Variants in CACNA1D observed in about 807,000 individuals in gnomAD.
CACNA1D encodes the protein voltage-dependent L-type calcium channel subunit alpha-1D.
CACNA1D carries 55 observed loss-of-function variants against 257.1 expected under a neutral mutation model. That is an observed-to-expected ratio of 0.21 (90% confidence interval 0.17 to 0.27). CACNA1D has a LOEUF of 0.27. CACNA1D is among the 10% of genes least tolerant of loss of function. The probability of loss-of-function intolerance (pLI) is 1.00; values close to 1 mark genes in which losing one functional copy is unlikely to be tolerated. For missense variants in CACNA1D, 1,876 were observed against 2,784.0 expected (o/e 0.67, Z 7.34); for synonymous variants, 980 against 1,014.9 (o/e 0.97, Z 0.65).
intron 3 of CACNA1D, among the ~76,000 whole-genome samples, chr3:53,510,936 A>G (rs1044991420): frequency 6.6e-6 from 1 of 152,216 alleles, no homozygotes; most frequent in African/African-American, 2.4e-5. Context: ...GTGCTTAGAT[A>G]CTATTGTTTC....
Position 53,795,698 on chromosome 3 carries a change from C to CT in CACNA1D, c.4924-4544dup, listed in dbSNP as rs2095504645. Among the ~76,000 whole-genome samples the CT allele has an allele frequency of 2.6e-5, 4 of 152,300 alleles. No homozygotes were observed. The South Asian group carries it at 8.3e-4, about 32-fold the overall frequency. On this transcript the variant is annotated intron_variant, in intron 40 of 47. Transcript: ENST00000350061. ...CTCTATTATCAGGAAACTGGCAAGA[C>CT]TTTTTTTGATTCGGTTGTTAAAATT...
rs1576684960 is a variant in CACNA1D at position 53,793,346 on chromosome 3, G to T, written c.4923+6394G>T. On this transcript the variant is annotated intron_variant, in intron 40 of 47. Transcript: ENST00000350061. The surrounding 1 kb of genome is among the most constrained non-coding windows in gnomAD (Gnocchi z 4.1). ...AAGGGAAGCCCGTCAGTCCTGTGGG[G>T]GTCCGTCAGTCCCTCTGTCTGTCTT... Among the ~76,000 whole-genome samples, 1 of 152,214 alleles carries T rather than the reference G, an allele frequency of 6.6e-6. No homozygotes were observed. The highest frequency in any genetic ancestry group is 1.5e-5 in the Non-Finnish European group (1 of 68,028).
chr3:53,642,820 G>A (rs534120338), intron 3 of CACNA1D, among the ~76,000 whole-genome samples: 3 of 152,350 alleles, frequency 2.0e-5, no homozygotes, highest in African/African-American at 7.2e-5. Context: ...GGGATCTCAG[G>A]AGAAACCTCT....
chr3:53,657,175 G>A (rs1365689129), intron 4 of CACNA1D, among the ~76,000 whole-genome samples: 1 of 152,182 alleles, frequency 6.6e-6, no homozygotes, highest in East Asian at 1.9e-4. Flanking sequence ...TCATTGTGAT[G>A]TATTTGTGTA....
intron 3 of CACNA1D, among the ~76,000 whole-genome samples, chr3:53,539,306 C>T (rs1318338001): frequency 1.3e-5 from 2 of 152,072 alleles, no homozygotes; most frequent in African/African-American, 2.4e-5. Flanking sequence ...GACAGGTTTT[C>T]ACCATGTTAG....
chr3:53,618,766 G>C (rs115904129), intron 3 of CACNA1D, among the ~76,000 whole-genome samples: 1,739 of 152,248 alleles, frequency 0.011, 38 homozygotes, highest in African/African-American at 0.04. Context: ...CTTCTGTCTG[G>C]CGCTTTATCA....
rs1023275557 is a variant in CACNA1D, at chr3:53,809,783, A to C, written c.5872-195A>C. The C allele has an allele frequency of 2.7e-5, 17 of 620,806 alleles. No individual in the cohort carries two copies. The African/African-American group carries it at 2.7e-4, about 10-fold the overall frequency. The allele number at this position is 620,806 out of a possible 1,614,324, so 38.5% of individuals were successfully genotyped here. ...ATGCATTATGGATTCGGGGTAAAAG[A>C]AAGCACAGTCTGCTAGAAAACAAAG... On this transcript the variant is annotated intron_variant, in intron 46 of 47. Transcript: ENST00000350061.
chr3:53,686,582 G>A (rs1049822715), intron 8 of CACNA1D, among the ~76,000 whole-genome samples: 2 of 151,646 alleles, frequency 1.3e-5, no homozygotes, highest in Non-Finnish European at 2.9e-5. Flanking sequence ...GAAATCATAC[G>A]ATCACCTCAG....
intron 3 of CACNA1D, among the ~76,000 whole-genome samples, chr3:53,567,780 T>A (rs1249806418): frequency 6.6e-6 from 1 of 152,240 alleles, no homozygotes; most frequent in South Asian, 2.1e-4. Flanking sequence ...TATGGACATG[T>A]CTTGTATACA....
chr3:53,538,309 G>A (rs1295793531), intron 3 of CACNA1D, among the ~76,000 whole-genome samples: 1 of 151,672 alleles, frequency 6.6e-6, no homozygotes, highest in Non-Finnish European at 1.5e-5. Flanking sequence ...CACCATGCGT[G>A]CCATGTCTGG....
At position 53,811,185 on chromosome 3, in the gene CACNA1D, G is replaced by C. The variant is rs1446571723; in HGVS notation, c.6265G>C (p.Ala2089Pro). The change falls in exon 48 of 48, where the codon GCT becomes CCT. Residue 2089 changes from alanine to proline, a missense_variant. Ala to Pro is a conservative substitution (Grantham distance 27, BLOSUM62 -1). This residue lies in a region of CACNA1D where 491 missense variants were observed against 554.3 expected (regional missense o/e 0.89). Transcript: ENST00000350061. This position sits in a 1 kb window ranked among gnomAD's most constrained non-coding sequence, Gnocchi z 4.2. ...KFVSATKHEI[A>P]DACDLTIDEM... ...TGTGTCAGCAACAAAACACGAAATC[G>C]CTGATGCCTGTGACCTCACCATCGA... 6.2e-7 allele frequency: 1 copy of C among 1,614,060 alleles called. No individual in the cohort carries two copies.
chr3:53,798,143 C>G (rs2106735226), intron 40 of CACNA1D: 1 of 152,294 alleles, frequency 6.6e-6, no homozygotes, highest in South Asian at 2.1e-4. Flanking sequence ...CTTCACGTTC[C>G]TGCAGCTGTG....
intron 9 of CACNA1D, 99 bp downstream of exon 9, chr3:53,702,909 G>A (rs2094641794): frequency 1.5e-6 from 2 of 1,299,008 alleles, no homozygotes; most frequent in Non-Finnish European, 2.2e-6. Flanking sequence ...GCTGTGAGTG[G>A]GACAGCCTCC....
chr3:53,589,640 CCTT>C (rs1377222360), intron 3 of CACNA1D, among the ~76,000 whole-genome samples: 1 of 152,152 alleles, frequency 6.6e-6, no homozygotes, highest in Admixed American at 6.5e-5. Context: ...GACAACGTCT[CCTT>C]CTGTTGCCCA....
chr3:53,695,294 G>C (rs893126470), intron 8 of CACNA1D, among the ~76,000 whole-genome samples: 2 of 152,120 alleles, frequency 1.3e-5, no homozygotes, highest in Admixed American at 6.5e-5. Context: ...CCCTGTCTGG[G>C]GAAGTTGCTG....
In CACNA1D at chr3:53,811,417, G is replaced by A; in HGVS notation, c.*11G>A. 1 of 1,537,290 alleles carries A rather than the reference G, an allele frequency of 6.5e-7. No homozygotes were observed. Among genetic ancestry groups the A allele is most frequent in the Non-Finnish European group, 8.8e-7 (1 of 1,141,156 alleles). ...ATCACCACCTTGTAGCCCCCAGCGA[G>A]GGGCAGACTGGCTCTGGCCTCAGGT... On this transcript the variant is annotated 3_prime_UTR_variant, in exon 48 of 48. Coordinates refer to ENST00000350061, the MANE Select transcript of CACNA1D (RefSeq NM_001128840.3). The surrounding 1 kb of genome is among the most constrained non-coding windows in gnomAD (Gnocchi z 4.2).
chr3:53,562,367 CTACAGA>C (rs1245615333), intron 3 of CACNA1D, among the ~76,000 whole-genome samples: 21 of 152,180 alleles, frequency 1.4e-4, no homozygotes, highest in African/African-American at 5.1e-4. Flanking sequence ...TCAGAGAACT[CTACAGA>C]TACAGTCCAT....
chr3:53,555,851 A>G (rs1488868754), intron 3 of CACNA1D, among the ~76,000 whole-genome samples: 1 of 152,142 alleles, frequency 6.6e-6, no homozygotes, highest in Non-Finnish European at 1.5e-5. Context: ...TACAGTAAAA[A>G]TCGGGGTGTG....
chr3:53,763,782 G>A (rs1451917598), intron 30 of CACNA1D, among the ~76,000 whole-genome samples: 1 of 152,184 alleles, frequency 6.6e-6, no homozygotes, highest in African/African-American at 2.4e-5. Context: ...CACCAGCCTG[G>A]CAGTCCTAAG....
Sources: allele counts gnomAD v4.1 joint callset (sites outside exome capture counted in the v4.1 genomes callset), GRCh38; gene constraint gnomAD v4.1.1; regional missense constraint gnomAD v4.1.1; non-coding constraint Gnocchi (gnomAD v3.1); transcripts MANE v1.5; gene names NCBI Gene and HGNC (gene_info 2026-07-23, HGNC 2026-07-21).